Variants in ESRRG observed in about 807,000 individuals in gnomAD.
ESRRG encodes the protein estrogen-related receptor gamma.
In ESRRG, 13 loss-of-function variants were observed where a neutral mutation model predicts 44.0. The ratio of observed to expected loss-of-function variants is 0.30; its 90% CI spans 0.19 to 0.47. ESRRG has a LOEUF of 0.47. ESRRG is among the 20% of genes least tolerant of loss of function. The pLI is 1.00. For missense variants in ESRRG, 395 were observed against 580.6 expected (o/e 0.68, Z 3.29); for synonymous variants, 215 against 214.6 (o/e 1.00, Z -0.02).
At chr1:217,129,699 C>T (rs1236967793) in intron 1 of ESRRG, among the ~76,000 whole-genome samples, 1 of 152,018 alleles carries the variant, frequency 6.6e-6, no homozygotes, top group Non-Finnish European at 1.5e-5. Flanking sequence ...GAGAAAGAAG[C>T]CAGATACAAA....
intron 2 of ESRRG, among the ~76,000 whole-genome samples, chr1:216,896,887 A>C (rs973581817): frequency 6.6e-6 from 1 of 152,196 alleles, no homozygotes; most frequent in Non-Finnish European, 1.5e-5. Context: ...AACAAGCAGC[A>C]GCGTATTTCC....
At chr1:216,855,015 G>C (rs767539739) in intron 2 of ESRRG, 1 of 152,128 alleles carries the variant, frequency 6.6e-6, no homozygotes, top group Non-Finnish European at 1.5e-5. Flanking sequence ...GAAAATGCCC[G>C]TGGACCAACA....
At chr1:216,779,834 G>A (rs931704999) in intron 2 of ESRRG, among the ~76,000 whole-genome samples, 19 of 151,418 alleles carry the variant, frequency 1.3e-4, no homozygotes, top group African/African-American at 4.4e-4. Context: ...GAATGACCTT[G>A]GACAGCTGGC....
intron 2 of ESRRG, among the ~76,000 whole-genome samples, chr1:216,817,833 T>C (rs1290180505): frequency 1.3e-5 from 2 of 152,268 alleles, no homozygotes; most frequent in East Asian, 1.9e-4. Context: ...TCCTAGCAGA[T>C]TTCTGAAGCA....
At chr1:216,894,173 G>A (rs1170911132) in intron 2 of ESRRG, among the ~76,000 whole-genome samples, 1 of 151,998 alleles carries the variant, frequency 6.6e-6, no homozygotes, top group Non-Finnish European at 1.5e-5. Flanking sequence ...CCTATGTTCT[G>A]CTTGACTGTG....
intron 3 of ESRRG, among the ~76,000 whole-genome samples, chr1:216,614,219 C>A (rs751428439): frequency 5.3e-5 from 8 of 152,218 alleles, no homozygotes; most frequent in Non-Finnish European, 1.0e-4. Flanking sequence ...GGAGGGCCTT[C>A]CGCTCCCATT....
At chr1:216,684,970 T>A (rs2077658013) in intron 1 of ESRRG, among the ~76,000 whole-genome samples, 2 of 152,188 alleles carry the variant, frequency 1.3e-5, no homozygotes, top group African/African-American at 2.4e-5. Context: ...GAAGAGAGAA[T>A]CTCGAAAACC....
At chr1:216,994,169 G>C (rs1055004683) in intron 1 of ESRRG, among the ~76,000 whole-genome samples, 3 of 152,106 alleles carry the variant, frequency 2.0e-5, no homozygotes, top group Non-Finnish European at 4.4e-5. Flanking sequence ...CATGTCTCAG[G>C]GGACTGGTAA....
intron 2 of ESRRG, among the ~76,000 whole-genome samples, chr1:216,786,587 A>G (rs1164885094): frequency 6.6e-6 from 1 of 152,180 alleles, no homozygotes; most frequent in Non-Finnish European, 1.5e-5. Context: ...ATAAGCATCA[A>G]TAAAGCCACA....
intron 1 of ESRRG, among the ~76,000 whole-genome samples, chr1:217,121,569 T>C (rs188753386): frequency 2.4e-3 from 369 of 152,168 alleles, no homozygotes; most frequent in Non-Finnish European, 3.0e-3. Flanking sequence ...GCAGTTTCAA[T>C]AGACATTTAG....
At chr1:216,774,315 C>T (rs1395565283) in intron 2 of ESRRG, among the ~76,000 whole-genome samples, 7 of 152,120 alleles carry the variant, frequency 4.6e-5, no homozygotes, top group South Asian at 2.1e-4. Context: ...CATAAGTCTG[C>T]AGCAGGGGCC....
chr1:216,898,252 T>C (rs1038913728), intron 2 of ESRRG, among the ~76,000 whole-genome samples: 6 of 152,174 alleles, frequency 3.9e-5, no homozygotes, highest in Non-Finnish European at 8.8e-5. Context: ...ATTTAAGGAA[T>C]CATTAAGATT....
intron 1 of ESRRG, among the ~76,000 whole-genome samples, chr1:216,705,691 G>C (rs570578111): frequency 6.6e-6 from 1 of 152,210 alleles, no homozygotes; most frequent in Admixed American, 6.5e-5. Flanking sequence ...GACCAAGGGA[G>C]CAGCAGGTTC....
At chr1:216,861,578 A>G (rs2096056016) in intron 2 of ESRRG, among the ~76,000 whole-genome samples, 2 of 152,112 alleles carry the variant, frequency 1.3e-5, no homozygotes, top group South Asian at 4.1e-4. Flanking sequence ...AAATTCAACT[A>G]TATGTTTCCC....
chr1:216,626,111 C>T (rs528193776), intron 3 of ESRRG, among the ~76,000 whole-genome samples: 1 of 152,310 alleles, frequency 6.6e-6, no homozygotes, highest in African/African-American at 2.4e-5. Context: ...CCAAAATCAG[C>T]TTTGACCTCT....
chr1:216,815,370 G>T (rs1252829008), intron 2 of ESRRG, among the ~76,000 whole-genome samples: 1 of 152,170 alleles, frequency 6.6e-6, no homozygotes, highest in Non-Finnish European at 1.5e-5. Flanking sequence ...TAAGTAAATG[G>T]CCACACAGCT....
At chr1:216,962,051 TA>T (rs1560276091) in intron 1 of ESRRG, among the ~76,000 whole-genome samples, 4 of 151,684 alleles carry the variant, frequency 2.6e-5, no homozygotes, top group Non-Finnish European at 4.4e-5. Flanking sequence ...GTTACAGCCA[TA>T]AAGAAAGAAA....
chr1:217,071,205 A>G (rs2090509837), intron 1 of ESRRG, among the ~76,000 whole-genome samples: 1 of 152,204 alleles, frequency 6.6e-6, no homozygotes. Flanking sequence ...ACTTTTGAAT[A>G]CCCTAGAATA....
At chr1:217,084,205 T>C (rs2151523671) in intron 1 of ESRRG, among the ~76,000 whole-genome samples, 1 of 151,936 alleles carries the variant, frequency 6.6e-6, no homozygotes, top group Admixed American at 6.6e-5. Context: ...AGGATCTATT[T>C]TCAAATAATG....
Sources: gnomAD v4.1 joint callset for allele counts (sites outside exome capture counted in the v4.1 genomes callset) on GRCh38, gnomAD v4.1.1 for gene constraint, MANE v1.5 for transcripts, NCBI Gene and HGNC (gene_info 2026-07-23, HGNC 2026-07-21) for gene names.